Variants in SLC9A8 observed in about 807,000 individuals in gnomAD.
The protein encoded by SLC9A8 is solute carrier family 9 member A8.
Under a neutral mutation model 66.6 loss-of-function variants are expected in SLC9A8, and 48 were observed. That is an observed-to-expected ratio of 0.72 (90% CI 0.57 to 0.92). The LOEUF is 0.92. Ranked by LOEUF, SLC9A8 falls within the 40% of genes least tolerant of loss-of-function variation. The pLI is 0.00. For synonymous variants in SLC9A8, 274 were observed against 282.6 expected, an observed-to-expected ratio of 0.97 and a Z score of 0.31; for missense variants, 599 against 747.3, an observed-to-expected ratio of 0.80 and a Z score of 2.31.
intron 6 of SLC9A8, among the ~76,000 whole-genome samples, chr20:49,850,245 C>T (rs1342484512): frequency 3.9e-5 from 6 of 152,198 alleles, no homozygotes; most frequent in Non-Finnish European, 8.8e-5. Context: ...CTACTTTAGA[C>T]TTCAAATTAA....
intron 3 of SLC9A8, chr20:49,831,184 C>T: frequency 2.2e-6 from 1 of 446,118 alleles, no homozygotes; most frequent in Non-Finnish European, 4.2e-6. Flanking sequence ...GACCAGCCCA[C>T]CTGTCTCCAT....
chr20:49,863,068 AT>A lies in SLC9A8; in HGVS notation c.852+2del, dbSNP rs771384900. 1 of 1,611,844 alleles carries A rather than the reference AT, an allele frequency of 6.2e-7. No individual in the cohort carries two copies. The highest frequency in any genetic ancestry group is 8.5e-7 in the Non-Finnish European group (1 of 1,179,044). ...TCTCACTGGCTTAATTTCTGCATTAATATCCTTTTAATGTGATGAACATGCA... is the reference window on the plus strand; with the variant it reads ...TCTCACTGGCTTAATTTCTGCATTAAATCCTTTTAATGTGATGAACATGCA... On this transcript the variant is annotated splice_donor_variant, in intron 9 of 15. Transcript: ENST00000361573. LOFTEE classifies it high-confidence loss of function.
At chr20:49,853,185 T>TGG (rs2088321039) in intron 7 of SLC9A8, among the ~76,000 whole-genome samples, 1 of 152,224 alleles carries the variant, frequency 6.6e-6, no homozygotes, top group African/African-American at 2.4e-5. Context: ...TGCGCTTCAC[T>TGG]GAGGCTGGAG....
intron 3 of SLC9A8, among the ~76,000 whole-genome samples, chr20:49,836,241 A>G (rs950675836): frequency 1.3e-5 from 2 of 152,226 alleles, no homozygotes; most frequent in Non-Finnish European, 2.9e-5. Flanking sequence ...GGCAGGTACC[A>G]GTACTTCATT....
Position 49,889,390 on chromosome 20 carries a change from A to C in SLC9A8, c.*1454A>C, listed in dbSNP as rs958008399. On this transcript the variant is annotated 3_prime_UTR_variant, in exon 16 of 16. Coordinates refer to ENST00000361573, the MANE Select transcript of SLC9A8 (RefSeq NM_015266.3). ...TTCTCTGGGGACACAGTGGGCCCAC[A>C]TGGGCCAGCATGGACCCTGGGCTAG... 6.6e-6 allele frequency: 1 copy of C among 152,300 alleles called. No individual in the cohort carries two copies. Among genetic ancestry groups the C allele is most frequent in the East Asian group, 1.9e-4 (1 of 5,184 alleles). The allele number at this position is 152,300 out of a possible 1,614,324, so 9.4% of individuals were successfully genotyped here. A position where few individuals can be genotyped will look rare whatever the true frequency, so the allele number is the denominator to read the frequency against.
At chr20:49,871,321 T>G (rs1675797843) in intron 10 of SLC9A8, among the ~76,000 whole-genome samples, 1 of 152,222 alleles carries the variant, frequency 6.6e-6, no homozygotes, top group African/African-American at 2.4e-5. Flanking sequence ...ACTGTCTTCC[T>G]TTATTACATC....
At chr20:49,862,581 C>T (rs908694797) in intron 8 of SLC9A8, among the ~76,000 whole-genome samples, 3 of 152,292 alleles carry the variant, frequency 2.0e-5, no homozygotes, top group Middle Eastern at 3.4e-3. Flanking sequence ...TTTTCTCAAG[C>T]ACCTTCCTTG....
chr20:49,819,335 T>C (rs1401390404), intron 2 of SLC9A8, among the ~76,000 whole-genome samples: 2 of 152,236 alleles, frequency 1.3e-5, no homozygotes, highest in Non-Finnish European at 2.9e-5. Flanking sequence ...TGCTCGGTTT[T>C]TTTCCAAGTG....
At chr20:49,830,273 C>T (rs2087119705) in intron 3 of SLC9A8, 7 of 1,114,922 alleles carry the variant, frequency 6.3e-6, no homozygotes, top group Non-Finnish European at 9.6e-6. Context: ...GTGGAATCGT[C>T]TCTAACTTGC....
At chr20:49,885,311 C>T (rs550434493) in intron 14 of SLC9A8, among the ~76,000 whole-genome samples, 3 of 152,220 alleles carry the variant, frequency 2.0e-5, no homozygotes, top group South Asian at 2.1e-4. Context: ...GTATGGGGTC[C>T]GAAAGAATTT....
chr20:49,831,141 C>T lies in SLC9A8; in HGVS notation c.289+8000C>T. 7 of 521,422 alleles carry T rather than the reference C, an allele frequency of 1.3e-5. No homozygotes were observed. In the East Asian group the frequency reaches 2.6e-4, roughly 20 times the overall value. The allele number at this position is 521,422 out of a possible 1,614,324, so 32.3% of individuals were successfully genotyped here. A position where few individuals can be genotyped will look rare whatever the true frequency, so the allele number is the denominator to read the frequency against. Reference sequence around the variant, plus strand: ...ATCTCTCCGCTAACTCCCTCTTCCTCACATGGGGTCAGGGGCCTGGGACTT... The same window carrying T: ...ATCTCTCCGCTAACTCCCTCTTCCTTACATGGGGTCAGGGGCCTGGGACTT... On this transcript the variant is annotated intron_variant, in intron 3 of 15. Transcript: ENST00000361573.
At chr20:49,823,743 G>A (rs2086823752) in intron 3 of SLC9A8, among the ~76,000 whole-genome samples, 1 of 152,232 alleles carries the variant, frequency 6.6e-6, no homozygotes, top group Non-Finnish European at 1.5e-5. Flanking sequence ...GAAGGAAGAA[G>A]TGGGGAATTT....
At position 49,876,741 on chromosome 20, in the gene SLC9A8, G is replaced by A. The variant is rs116110207; in HGVS notation, c.1076-1240G>A. Among the ~76,000 whole-genome samples the A allele has an allele frequency of 4.2e-3, 634 of 152,272 alleles. 3 individuals are homozygous for A. Among genetic ancestry groups the A allele is most frequent in the African/African-American group, 0.015 (613 of 41,540 alleles). On this transcript the variant is annotated intron_variant, in intron 11 of 15. Coordinates refer to ENST00000361573, the MANE Select transcript of SLC9A8 (RefSeq NM_015266.3). Reference sequence around the variant, plus strand: ...TGTGGCAAAGTGGCAGAAATTCAGAGCAAATGGATACCGTGATGTATCCAG... The same window carrying A: ...TGTGGCAAAGTGGCAGAAATTCAGAACAAATGGATACCGTGATGTATCCAG...
chr20:49,860,869 C>T lies in SLC9A8; in HGVS notation c.714-2060C>T, dbSNP rs113548981. 7.1e-3 allele frequency among the ~76,000 whole-genome samples: 1,081 copies of T among 152,288 alleles called. 21 individuals carry two copies. The highest frequency in any genetic ancestry group is 0.024 in the African/African-American group (999 of 41,554). ...GTGTGGGAGGCTCTGCTTTAAGCCC[C>T]GGACATAAGGCAGCGAACAAGATGG... On this transcript the variant is annotated intron_variant, in intron 8 of 15. Transcript: ENST00000361573.
chr20:49,864,136 A>T (rs958806194), intron 9 of SLC9A8, among the ~76,000 whole-genome samples: 76 of 152,174 alleles, frequency 5.0e-4, no homozygotes, highest in African/African-American at 1.8e-3. Context: ...GCTCCAGTAT[A>T]GGCATTGTGA....
At chr20:49,862,537 A>G (rs895884480) in intron 8 of SLC9A8, among the ~76,000 whole-genome samples, 1 of 152,192 alleles carries the variant, frequency 6.6e-6, no homozygotes, top group African/African-American at 2.4e-5. Flanking sequence ...CTGGGATTAC[A>G]GGTGTGAGCC....
intron 2 of SLC9A8, among the ~76,000 whole-genome samples, chr20:49,819,233 T>C (rs1300524652): frequency 2.6e-5 from 4 of 152,236 alleles, no homozygotes; most frequent in African/African-American, 7.2e-5. Flanking sequence ...TTATGATTGA[T>C]ATGTGTTTTA....
chr20:49,870,701 T>A (rs1248779758), intron 10 of SLC9A8, among the ~76,000 whole-genome samples: 2 of 152,188 alleles, frequency 1.3e-5, no homozygotes, highest in Non-Finnish European at 2.9e-5. Context: ...AGTTTTATTT[T>A]ATTTTAATTT....
intron 9 of SLC9A8, among the ~76,000 whole-genome samples, chr20:49,864,316 A>G (rs1377963887): frequency 1.3e-5 from 2 of 152,192 alleles, no homozygotes; most frequent in African/African-American, 2.4e-5. Context: ...GATGGGTAGC[A>G]TTAGTGATCT....
Sources: gnomAD v4.1 joint callset for allele counts (sites outside exome capture counted in the v4.1 genomes callset) on GRCh38, gnomAD v4.1.1 for gene constraint, MANE v1.5 for transcripts, NCBI Gene and HGNC (gene_info 2026-07-23, HGNC 2026-07-21) for gene names.